Variants in CALB2 observed in about 807,000 individuals in gnomAD.
The protein encoded by CALB2 is calretinin.
CALB2 carries 34 observed loss-of-function variants against 45.9 expected under a neutral mutation model. The observed-to-expected ratio is 0.74, with a 90% CI of 0.56 to 0.99. The LOEUF (loss-of-function observed/expected upper bound fraction) is 0.99. Among genes scored for constraint, CALB2 ranks in the 50% least tolerant of loss-of-function variants. The pLI is 0.00. For synonymous variants in CALB2, 142 were observed against 129.6 expected (o/e 1.10, Z -0.65); for missense variants, 344 against 339.3 (o/e 1.01, Z -0.11).
At chr16:71,378,666 A>G (rs1466971886) in intron 4 of CALB2, among the ~76,000 whole-genome samples, 1 of 152,250 alleles carries the variant, frequency 6.6e-6, no homozygotes, top group African/African-American at 2.4e-5. Context: ...GATGAGAAGT[A>G]AGCTTGGGTC....
intron 1 of CALB2, among the ~76,000 whole-genome samples, chr16:71,360,236 G>C (rs1294314121): frequency 6.6e-6 from 1 of 152,204 alleles, no homozygotes; most frequent in Non-Finnish European, 1.5e-5. Context: ...GTGCTATGGG[G>C]AGGCAGGGGT....
intron 4 of CALB2, among the ~76,000 whole-genome samples, chr16:71,382,514 G>A (rs907930868): frequency 5.9e-5 from 9 of 152,196 alleles, no homozygotes; most frequent in Admixed American, 3.9e-4. Context: ...TGGCCCAGGC[G>A]CTCATGAGAT....
intron 9 of CALB2, 53 bp from the exon 10 acceptor site, chr16:71,385,524 A>C: frequency 6.5e-7 from 1 of 1,548,256 alleles, no homozygotes; most frequent in Non-Finnish European, 8.9e-7. Flanking sequence ...ATGGGTCGGG[A>C]CAGCAGGGGC....
intron 3 of CALB2, among the ~76,000 whole-genome samples, chr16:71,376,981 C>T (rs1178319692): frequency 1.3e-5 from 2 of 152,192 alleles, no homozygotes; most frequent in Admixed American, 6.5e-5. Flanking sequence ...CACGTGCCTA[C>T]CTGTAAGCCA....
At chr16:71,388,339 AAAAAAAAAAAAAG>A (rs1275234212) in intron 10 of CALB2, among the ~76,000 whole-genome samples, 1 of 127,110 alleles carries the variant, frequency 7.9e-6, no homozygotes, top group Non-Finnish European at 1.8e-5. Context: ...TATCTCAAAA[AAAAAAAAAAAAAG>A]AAAAAGAAAA....
intron 4 of CALB2, among the ~76,000 whole-genome samples, chr16:71,382,387 G>C (rs2042509221): frequency 6.6e-6 from 1 of 152,182 alleles, no homozygotes; most frequent in African/African-American, 2.4e-5. Context: ...CATTGGATGA[G>C]TTACTTATTG....
At position 71,384,782 on chromosome 16, in the gene CALB2, G is replaced by C. The variant is rs773253838; in HGVS notation, c.574-1G>C. 1.4e-6 allele frequency: 2 copies of C among 1,455,008 alleles called. No individual in the cohort carries two copies. Among genetic ancestry groups the C allele is most frequent in the South Asian group, 2.5e-5 (2 of 80,276 alleles). The allele number at this position is 1,455,008 out of a possible 1,614,324, so 90.1% of individuals were successfully genotyped here. On this transcript the variant is annotated splice_acceptor_variant, in intron 8 of 10. Coordinates refer to ENST00000302628, the MANE Select transcript of CALB2 (RefSeq NM_001740.5). LOFTEE classifies it high-confidence loss of function. ...TGTCTTTAATACCCTGGTTCTTGCAGGGCATGAAGCTGACCTCAGAGGAGT... is the reference window on the plus strand; with the variant it reads ...TGTCTTTAATACCCTGGTTCTTGCACGGCATGAAGCTGACCTCAGAGGAGT...
At chr16:71,369,393 C>T (rs982381287) in intron 1 of CALB2, among the ~76,000 whole-genome samples, 13 of 152,040 alleles carry the variant, frequency 8.6e-5, no homozygotes, top group South Asian at 2.1e-4. Context: ...GTCACTCTGC[C>T]GCCCCCCAAA....
chr16:71,363,816 A>G (rs1272606418), intron 1 of CALB2, among the ~76,000 whole-genome samples: 1 of 152,234 alleles, frequency 6.6e-6, no homozygotes, highest in Non-Finnish European at 1.5e-5. Flanking sequence ...GGATTTATCA[A>G]AACGATTGGG....
chr16:71,372,273 T>A, intron 2 of CALB2, 44 bp downstream of exon 2: 1 of 1,436,664 alleles, frequency 7.0e-7, no homozygotes, highest in Non-Finnish European at 9.7e-7. Flanking sequence ...TTTCCTGACC[T>A]ATGCCTTTGA....
Position 71,378,556 on chromosome 16 carries a change from CA to C in CALB2, c.342+817del, listed in dbSNP as rs1416877514. Among the ~76,000 whole-genome samples the C allele has an allele frequency of 2.0e-5, 3 of 151,536 alleles. No individual in the cohort carries two copies. The South Asian group carries it at 6.3e-4, about 32-fold the overall frequency. On this transcript the variant is annotated intron_variant, in intron 4 of 10. Coordinates refer to ENST00000302628, the MANE Select transcript of CALB2 (RefSeq NM_001740.5). ...CCCTATCTCAAATTAAAAACAAAAA[CA>C]AAAAAAAGGTAGACAGACTCCCTGA...
In CALB2 at chr16:71,377,766, CTTCT is replaced by C. The variant is rs2042435226; in HGVS notation, c.342+24_342+27del. ...TATGGAGGTGAGGCCAAGGCACCAC[CTTCT>C]TTCTAAGCACTGGGACCTGCCTTCC... On this transcript the variant is annotated intron_variant, in intron 4 of 10. Transcript: ENST00000302628. The C allele has an allele frequency of 3.1e-6, 5 of 1,595,706 alleles. No homozygotes were observed. The highest frequency in any genetic ancestry group is 4.3e-6 in the Non-Finnish European group (5 of 1,163,382).
chr16:71,373,619 T>C (rs972772793), intron 2 of CALB2, among the ~76,000 whole-genome samples: 4 of 152,204 alleles, frequency 2.6e-5, no homozygotes, highest in African/African-American at 9.6e-5. Flanking sequence ...TCAGAGCAGC[T>C]GTTATATAGT....
chr16:71,372,090 G>A, intron 1 of CALB2, 63 bp from the exon 2 acceptor site: 3 of 1,145,878 alleles, frequency 2.6e-6, no homozygotes, highest in Non-Finnish European at 2.6e-6. Context: ...CCCCCGACAT[G>A]CCCACCCCGT....
intron 1 of CALB2, among the ~76,000 whole-genome samples, chr16:71,366,064 T>TC (rs1452973887): frequency 4.5e-5 from 6 of 134,618 alleles, no homozygotes; most frequent in Non-Finnish European, 9.3e-5. Flanking sequence ...TCTCACTCTG[T>TC]CACCCAGGCT....
At position 71,358,896 on chromosome 16, in the gene CALB2, G is replaced by C. The variant is rs775004919; in HGVS notation, c.94+10G>C. 2 of 1,611,262 alleles carry C rather than the reference G, an allele frequency of 1.2e-6. No homozygotes were observed. Among genetic ancestry groups the C allele is most frequent in the South Asian group, 1.1e-5 (1 of 90,488 alleles). ...CACTTTGACGCAGACGGTCAGTAAA[G>C]CTCCCAACTTCTGTGCCCATTGGCA... On this transcript the variant is annotated intron_variant, in intron 1 of 10. Coordinates refer to ENST00000302628, the MANE Select transcript of CALB2 (RefSeq NM_001740.5).
In CALB2 at chr16:71,384,168, C is replaced by G. The variant is rs2042536213; in HGVS notation, c.533+143C>G. The G allele has an allele frequency of 3.8e-6, 4 of 1,040,538 alleles. No homozygotes were observed. The East Asian group carries it at 9.5e-5, about 25-fold the overall frequency. 64.5% of individuals were successfully genotyped at this position (1,040,538 alleles called of 1,614,324 possible). A position where few individuals can be genotyped will look rare whatever the true frequency, so the allele number is the denominator to read the frequency against. ...CAAAGCAAGATAGAATTGTGACCGT[C>G]AACACCTCACCTTGTCTGTCTCCCT... On this transcript the variant is annotated intron_variant, in intron 7 of 10. Coordinates refer to ENST00000302628, the MANE Select transcript of CALB2 (RefSeq NM_001740.5).
At chr16:71,370,902 C>T (rs1444543967) in intron 1 of CALB2, among the ~76,000 whole-genome samples, 1 of 152,164 alleles carries the variant, frequency 6.6e-6, no homozygotes, top group Non-Finnish European at 1.5e-5. Flanking sequence ...ACCATCCAGG[C>T]TCAAGGCGTG....
At chr16:71,377,599 G>A in intron 3 of CALB2, 68 bp from the exon 4 acceptor site, 1 of 1,114,716 alleles carries the variant, frequency 9.0e-7, no homozygotes, top group Non-Finnish European at 1.4e-6. Context: ...TCCTTCTTAG[G>A]GGAAAATCTG....
Sources: gnomAD v4.1 joint callset for allele counts (sites outside exome capture counted in the v4.1 genomes callset) on GRCh38, gnomAD v4.1.1 for gene constraint, MANE v1.5 for transcripts, NCBI Gene and HGNC (gene_info 2026-07-23, HGNC 2026-07-21) for gene names.